Variants in SRRM3 observed in about 807,000 individuals in gnomAD.
SRRM3 encodes the protein serine/arginine repetitive matrix protein 3.
A neutral mutation model predicts 66.2 loss-of-function variants in SRRM3; 27 were observed. That is an observed-to-expected ratio of 0.41 (90% CI 0.30 to 0.56). The LOEUF (loss-of-function observed/expected upper bound fraction) is 0.56, where lower values mean the gene tolerates loss of function less well. Ranked by LOEUF, SRRM3 falls within the 20% of genes least tolerant of loss-of-function variation. The pLI, the probability that SRRM3 is intolerant of heterozygous loss-of-function variation, is 0.32. For missense variants in SRRM3, 918 were observed against 991.9 expected (o/e 0.93, Z 1.00); for synonymous variants, 391 against 414.9 (o/e 0.94, Z 0.70).
chr7:76,267,861 C>G (rs1227920828), intron 11 of SRRM3: 1 of 160,874 alleles, frequency 6.2e-6, no homozygotes, highest in African/African-American at 2.4e-5. Context: ...CACTGGGCAC[C>G]ACCTGGGCCC....
In SRRM3 at chr7:76,248,207, C is replaced by T. The variant is rs782123915; in HGVS notation, c.253C>T (p.Arg85Trp). Residue 85 changes from arginine to tryptophan, a missense_variant, in exon 3 of 15, where the codon CGG becomes TGG. By Grantham distance (101) the Arg-to-Trp change is moderately radical. Transcript: ENST00000611745. ...CTGCAGGTATTCGGAGGAGGAGATT[C>T]GGCAGAAAGTGGGGACATTCCGGCA... ...EEQGYSEEEIRQKVGTFRQML... is the reference protein window; with the variant it reads ...EEQGYSEEEIWQKVGTFRQML... 2.8e-5 allele frequency: 45 copies of T among 1,613,448 alleles called. No homozygotes were observed. In the African/African-American group the frequency reaches 3.3e-4, roughly 12 times the overall value.
At chr7:76,207,049 A>G (rs1800316989) in intron 1 of SRRM3, among the ~76,000 whole-genome samples, 1 of 152,214 alleles carries the variant, frequency 6.6e-6, no homozygotes, top group African/African-American at 2.4e-5. Context: ...AGAGACAGGT[A>G]AAAGCAAGTT....
chr7:76,264,909 G>A (rs1207575077), intron 9 of SRRM3, 94 bp downstream of exon 9: 18 of 1,361,856 alleles, frequency 1.3e-5, no homozygotes, highest in African/African-American at 4.4e-5. Context: ...GGCCATTAAA[G>A]GTAGCTCATT....
intron 1 of SRRM3, among the ~76,000 whole-genome samples, chr7:76,210,676 G>C (rs945282278): frequency 2.6e-5 from 4 of 152,138 alleles, no homozygotes; most frequent in African/African-American, 4.8e-5. Context: ...AGGAGTCTTG[G>C]GGGGGCGGGT....
At chr7:76,212,766 G>A (rs1043288754) in intron 1 of SRRM3, among the ~76,000 whole-genome samples, 1 of 152,128 alleles carries the variant, frequency 6.6e-6, no homozygotes, top group Non-Finnish European at 1.5e-5. Context: ...ACTGCGCCTG[G>A]CCAAGGTCTG....
In SRRM3 at chr7:76,250,493, C is replaced by CA. The variant is rs1801552909; in HGVS notation, c.335+2207dup. On this transcript the variant is annotated intron_variant, in intron 3 of 14. Coordinates refer to ENST00000611745, the MANE Select transcript of SRRM3 (RefSeq NM_001110199.3). ...AGGTGACCCACCCGCCTCGGCCTCC[C>CA]AAAGTGCTGGGATTACAGGCATGAG... Among the ~76,000 whole-genome samples the CA allele has an allele frequency of 5.3e-5, 8 of 152,198 alleles. 1 individual carries two copies.
At chr7:76,256,716 C>CT (rs781795981) in intron 3 of SRRM3, among the ~76,000 whole-genome samples, 2,569 of 133,566 alleles carry the variant, frequency 0.019, 58 homozygotes, top group African/African-American at 0.051. Context: ...GCTTCTTTTT[C>CT]TTTTTTTTTT....
chr7:76,281,207 T>G (rs1195523915), intron 11 of SRRM3, among the ~76,000 whole-genome samples: 1 of 150,990 alleles, frequency 6.6e-6, no homozygotes, highest in Non-Finnish European at 1.5e-5. Flanking sequence ...CTGTCTCTCT[T>G]CATTCTCTCT....
In SRRM3 at chr7:76,281,756, G is replaced by C; in HGVS notation, c.1324G>C (p.Gly442Arg). 1 of 1,366,376 alleles carries C rather than the reference G, an allele frequency of 7.3e-7. No homozygotes were observed. Among genetic ancestry groups the C allele is most frequent in the Non-Finnish European group, 9.5e-7 (1 of 1,057,888 alleles). 84.6% of individuals were successfully genotyped at this position (1,366,376 alleles called of 1,614,324 possible). The change falls in exon 12 of 15, where the codon GGG becomes CGG. Residue 442 changes from glycine (G) to arginine (R), a missense_variant. Transcript: ENST00000611745. ...CAGCGGCCGCGGCGCCCCCGGCCCCGGGCCCGAGCCCGGCTCTGAGCGAGG... is the reference window on the plus strand; with the variant it reads ...CAGCGGCCGCGGCGCCCCCGGCCCCCGGCCCGAGCCCGGCTCTGAGCGAGG... ...SGSGRGAPGP[G>R]PEPGSERGHG... is the part of the protein sequence containing the mutation.
At chr7:76,237,650 G>C (rs1187076017) in intron 2 of SRRM3, among the ~76,000 whole-genome samples, 1 of 152,078 alleles carries the variant, frequency 6.6e-6, no homozygotes, top group East Asian at 1.9e-4. Context: ...CAAGGAGGGA[G>C]GGGAGTGTGG....
intron 1 of SRRM3, among the ~76,000 whole-genome samples, chr7:76,227,720 C>T (rs1800911318): frequency 6.6e-6 from 1 of 152,230 alleles, no homozygotes; most frequent in Admixed American, 6.5e-5. Flanking sequence ...TCTCTATACC[C>T]ACAGCCTTTA....
At chr7:76,267,551 G>T in intron 11 of SRRM3, 116 bp downstream of exon 11, 2 of 349,104 alleles carry the variant, frequency 5.7e-6, no homozygotes, top group Non-Finnish European at 9.0e-6. Flanking sequence ...GGGGGCGGGG[G>T]CGGCCGCTTC....
intron 2 of SRRM3, among the ~76,000 whole-genome samples, chr7:76,244,898 C>A (rs782818869): frequency 3.3e-5 from 5 of 152,258 alleles, no homozygotes; most frequent in African/African-American, 1.2e-4. Flanking sequence ...TTTTTGGATG[C>A]CACAATGTGG....
At chr7:76,248,077 G>A (rs1308689370) in intron 2 of SRRM3, 111 bp from the exon 3 acceptor site, 19 of 752,894 alleles carry the variant, frequency 2.5e-5, no homozygotes, top group South Asian at 5.0e-5. Context: ...ATTGCAAGCC[G>A]GAGTGTGCAC....
intron 1 of SRRM3, among the ~76,000 whole-genome samples, chr7:76,215,179 C>G (rs782140762): frequency 4.6e-5 from 7 of 151,854 alleles, no homozygotes; most frequent in Non-Finnish European, 7.4e-5. Context: ...CATTTTTATG[C>G]CTGTTTTAAA....
chr7:76,202,278 A>AC (rs151062586), intron 1 of SRRM3, among the ~76,000 whole-genome samples: 146,736 of 151,992 alleles, frequency 0.97, 70,741 homozygotes, highest in East Asian at 1. Flanking sequence ...GACAGTGGAG[A>AC]CCTTTGGGGT....
intron 1 of SRRM3, among the ~76,000 whole-genome samples, chr7:76,230,034 A>T (rs1466088984): frequency 2.6e-5 from 4 of 151,910 alleles, no homozygotes; most frequent in African/African-American, 9.7e-5. Flanking sequence ...GAGCCACTGC[A>T]CCTGGCCCTG....
At chr7:76,225,924 C>T (rs191225691) in intron 1 of SRRM3, among the ~76,000 whole-genome samples, 1 of 152,222 alleles carries the variant, frequency 6.6e-6, no homozygotes, top group Admixed American at 6.5e-5. Flanking sequence ...CTTATGAATT[C>T]CCAAAGATCA....
chr7:76,271,122 G>A (rs1344826654), intron 11 of SRRM3, among the ~76,000 whole-genome samples: 1 of 152,022 alleles, frequency 6.6e-6, no homozygotes, highest in Non-Finnish European at 1.5e-5. Context: ...CTGCAGCTCC[G>A]AGAGGTCAAG....
Sources: allele counts gnomAD v4.1 joint callset (sites outside exome capture counted in the v4.1 genomes callset), GRCh38; gene constraint gnomAD v4.1.1; transcripts MANE v1.5; gene names NCBI Gene and HGNC (gene_info 2026-07-23, HGNC 2026-07-21).